KIF19: variants seen among roughly 807,000 people sequenced by gnomAD.
KIF19 encodes kinesin family member 19.
KIF19 carries 98 observed loss-of-function variants against 106.6 expected under a neutral mutation model. The observed-to-expected ratio is 0.92, with a 90% CI of 0.78 to 1.09. KIF19 has a LOEUF of 1.09. Ranked by LOEUF, KIF19 falls within the 50% of genes least tolerant of loss-of-function variation. The pLI is 0.00. For missense variants in KIF19, 1,373 were observed against 1,414.3 expected (o/e 0.97, Z 0.47); for synonymous variants, 516 against 584.2 (o/e 0.88, Z 1.68).
chr17:74,348,045 C>A, intron 9 of KIF19, 146 bp downstream of exon 9: 2 of 1,039,666 alleles, frequency 1.9e-6, no homozygotes, highest in Non-Finnish European at 2.7e-6. Context: ...CACCTGTACA[C>A]TTTCCCTGCA....
At position 74,355,217 on chromosome 17, in the gene KIF19, A is replaced by C; in HGVS notation, c.2902A>C (p.Asn968His). 6.2e-7 allele frequency: 1 copy of C among 1,612,200 alleles called. No homozygotes were observed. Among genetic ancestry groups the C allele is most frequent in the Non-Finnish European group, 8.5e-7 (1 of 1,179,294 alleles). The part of the protein sequence containing the change: ...GDSSPLAVPP[N>H]PGGGSRRATR... ...CTCCTCACCCCTGGCTGTTCCCCCC[A>C]ACCCAGGTGGTGGTTCTCGACGGGC... Residue 968 changes from asparagine (N) to histidine (H), a missense_variant, in exon 20 of 20, where the codon AAC becomes CAC. Physicochemically the swap from Asn to His is moderately conservative, Grantham distance 68. Transcript: ENST00000389916.
rs376599875 is a variant in KIF19 at position 74,340,123 on chromosome 17, G to A, written c.121-1753G>A. Among the ~76,000 whole-genome samples the A allele has an allele frequency of 6.6e-4, 100 of 152,284 alleles. No homozygotes were observed. The South Asian group carries it at 0.01, about 15-fold the overall frequency. On this transcript the variant is annotated intron_variant, in intron 2 of 19. Transcript: ENST00000389916. ...CATGCTGCTGTCCCATCTGACAGAG[G>A]AGGAGATGGAGGCTCAAGCAGGTTA... is the stretch of plus-strand genomic sequence containing the variant.
chr17:74,350,506 T>G lies in KIF19; in HGVS notation c.1319T>G (p.Leu440Arg), dbSNP rs2054667776. The change falls in exon 11 of 20, where the codon CTG (leucine) becomes CGG (arginine). Residue 440 changes from leucine (L) to arginine (R), a missense_variant. Leu to Arg is a moderately radical substitution (Grantham distance 102, BLOSUM62 -2). Transcript: ENST00000389916. ...FQEQMDVRRR[L>R]LELENRAMEV... The stretch of plus-strand genomic sequence containing the variant: ...GAGCAGATGGATGTGCGGAGGCGCC[T>G]GCTGGAGCTGGAGAACCGCGCCATG... 2 of 1,612,722 alleles carry G rather than the reference T, an allele frequency of 1.2e-6. No individual in the cohort carries two copies. The highest frequency in any genetic ancestry group is 1.7e-6 in the Non-Finnish European group (2 of 1,179,818).
chr17:74,327,368 G>A (rs1445101988), intron 1 of KIF19, among the ~76,000 whole-genome samples: 1 of 152,236 alleles, frequency 6.6e-6, no homozygotes, highest in Non-Finnish European at 1.5e-5. Flanking sequence ...TGTGCCCCGG[G>A]GAGCAGGGAT....
intron 2 of KIF19, among the ~76,000 whole-genome samples, chr17:74,332,866 A>C (rs1247342273): frequency 1.3e-5 from 2 of 152,184 alleles, no homozygotes; most frequent in African/African-American, 4.8e-5. Flanking sequence ...CTGGTCGCAT[A>C]CTGGTGGGCA....
In KIF19 at chr17:74,352,302, G is replaced by A. The variant is rs774817216; in HGVS notation, c.1942G>A (p.Ala648Thr). ...RELEEGSLEQATIMDQVASRA... is the reference protein window; with the variant it reads ...RELEEGSLEQTTIMDQVASRA... ...GCTGGAGGAGGGCAGCCTGGAGCAG[G>A]CCACCATCATGGACCAAGTGGCCTC... Residue 648 changes from alanine to threonine, a missense_variant, in exon 14 of 20, where the codon GCC (alanine) becomes ACC (threonine). By Grantham distance (58) the Ala-to-Thr change is moderately conservative. Around this residue, in one of 3 missense-constraint regions of KIF19, gnomAD observed 1,020 missense variants for 1,008.2 expected, o/e 1.01. Coordinates refer to ENST00000389916, the MANE Select transcript of KIF19 (RefSeq NM_153209.4). 4 of 1,611,668 alleles carry A rather than the reference G, an allele frequency of 2.5e-6. No homozygotes were observed. Among genetic ancestry groups the A allele is most frequent in the Non-Finnish European group, 3.4e-6 (4 of 1,179,358 alleles).
Position 74,349,052 on chromosome 17 carries a change from G to A in KIF19, c.1048-132G>A, listed in dbSNP as rs1475333719. The A allele has an allele frequency of 1.7e-5, 14 of 809,658 alleles. No homozygotes were observed. In the East Asian group the frequency reaches 1.9e-4, roughly 11 times the overall value. The allele number at this position is 809,658 out of a possible 1,614,324, so 50.2% of individuals were successfully genotyped here. ...GAGTGTGACAGGAGGTTGTGGAAGT[G>A]GAGGAAAGGAGGCCATTACTGTCAC... is the stretch of plus-strand genomic sequence containing the variant. On this transcript the variant is annotated intron_variant, in intron 9 of 19. Transcript: ENST00000389916.
intron 9 of KIF19, 128 bp downstream of exon 9, chr17:74,348,027 T>C: frequency 8.7e-7 from 1 of 1,152,496 alleles, no homozygotes; most frequent in African/African-American, 1.5e-5. Context: ...CATTCCCTAG[T>C]TGATCGTCAC....
At position 74,353,553 on chromosome 17, in the gene KIF19, C is replaced by T. The variant is rs200259858; in HGVS notation, c.2280C>T (p.Asn760=). ...ACTCTTCCCCTGACAGCAGTGAGAA[C>T]CTGTCGGAGATCCCCTTGTCCCACA... is the stretch of plus-strand genomic sequence containing the variant. The part of the protein sequence containing the change: ...WINSSPDSSE[N]LSEIPLSHKE... The change falls in exon 17 of 20, where the codon AAC becomes AAT. Residue 760 remains asparagine (N), a synonymous_variant. Coordinates refer to ENST00000389916, the MANE Select transcript of KIF19 (RefSeq NM_153209.4). 1.9e-6 allele frequency: 3 copies of T among 1,613,674 alleles called. No individual in the cohort carries two copies. Among genetic ancestry groups the T allele is most frequent in the African/African-American group, 1.3e-5 (1 of 74,942 alleles).
intron 12 of KIF19, 113 bp from the exon 13 acceptor site, chr17:74,351,754 C>T: frequency 8.2e-7 from 1 of 1,225,358 alleles, no homozygotes; most frequent in Non-Finnish European, 1.1e-6. Context: ...TGGCCTCAGG[C>T]TGGAGCTCCA....
chr17:74,326,658 C>G (rs2144178341), intron 1 of KIF19, among the ~76,000 whole-genome samples: 1 of 152,306 alleles, frequency 6.6e-6, no homozygotes, highest in South Asian at 2.1e-4. Context: ...ATCCCGCCCC[C>G]AAAGCGTGCG....
intron 2 of KIF19, among the ~76,000 whole-genome samples, chr17:74,333,424 G>T (rs540245317): frequency 6.7e-6 from 1 of 148,924 alleles, no homozygotes; most frequent in African/African-American, 2.5e-5. Context: ...GTGCCGTGGC[G>T]CTATCTTAGC....
intron 16 of KIF19, 90 bp from the exon 17 acceptor site, chr17:74,353,404 C>T (rs537291231): frequency 3.4e-4 from 494 of 1,454,006 alleles, no homozygotes; most frequent in Non-Finnish European, 4.5e-4. Flanking sequence ...CAAACGGCAC[C>T]AGCTTGAGGC....
chr17:74,333,214 G>T (rs763082137), intron 2 of KIF19, among the ~76,000 whole-genome samples: 1 of 152,054 alleles, frequency 6.6e-6, no homozygotes, highest in Non-Finnish European at 1.5e-5. Context: ...AGGGGAGGGG[G>T]TCAGGATTCT....
chr17:74,338,612 T>G (rs537189877), intron 2 of KIF19, among the ~76,000 whole-genome samples: 1 of 152,090 alleles, frequency 6.6e-6, no homozygotes, highest in Admixed American at 6.5e-5. Flanking sequence ...AGATACCTGA[T>G]GGTCATAGGT....
chr17:74,348,169 T>C (rs575563811), intron 9 of KIF19, among the ~76,000 whole-genome samples: 2 of 152,338 alleles, frequency 1.3e-5, no homozygotes, highest in African/African-American at 4.8e-5. Flanking sequence ...CCCTTCCTCG[T>C]CTTCAGATGC....
chr17:74,334,537 G>A (rs1277419549), intron 2 of KIF19, among the ~76,000 whole-genome samples: 1 of 152,168 alleles, frequency 6.6e-6, no homozygotes. Context: ...ACATCAGCCA[G>A]GTGTGGCTGT....
intron 4 of KIF19, 47 bp from the exon 5 acceptor site, chr17:74,342,977 T>TGCCAA: frequency 5.6e-5 from 85 of 1,527,554 alleles, no homozygotes; most frequent in Non-Finnish European, 6.7e-5. Context: ...CAGCAAGGCC[T>TGCCAA]CCCTCCCAGC....
intron 9 of KIF19, 49 bp from the exon 10 acceptor site, chr17:74,349,133 AGT>A: frequency 1.9e-6 from 3 of 1,602,286 alleles, no homozygotes; most frequent in Non-Finnish European, 2.6e-6. Context: ...GGCCTCGGTG[AGT>A]GCACCTGGGG....
Sources: allele counts gnomAD v4.1 joint callset (sites outside exome capture counted in the v4.1 genomes callset), GRCh38; gene constraint gnomAD v4.1.1; regional missense constraint gnomAD v4.1.1; transcripts MANE v1.5; gene names NCBI Gene and HGNC (gene_info 2026-07-23, HGNC 2026-07-21).